The following PARD3B variants were observed in gnomAD, a reference collection of about 807,000 sequenced individuals.
PARD3B encodes the protein par-3 family cell polarity regulator beta, also known as partitioning defective 3 homolog B.
PARD3B carries 103 observed loss-of-function variants against 130.2 expected under a neutral mutation model. The observed-to-expected ratio is 0.79, with a 90% CI of 0.67 to 0.93. The LOEUF (loss-of-function observed/expected upper bound fraction) is 0.93. Ranked by LOEUF, PARD3B falls within the 40% of genes least tolerant of loss-of-function variation. The probability of loss-of-function intolerance (pLI) is 0.00; values close to 1 mark genes in which losing one functional copy is unlikely to be tolerated. For synonymous variants in PARD3B, 583 were observed against 553.2 expected (o/e 1.05, Z -0.76); for missense variants, 1,609 against 1,499.2 (o/e 1.07, Z -1.21).
intron 19 of PARD3B, among the ~76,000 whole-genome samples, chr2:205,427,075 C>A (rs1333696219): frequency 6.6e-6 from 1 of 152,180 alleles, no homozygotes; most frequent in Non-Finnish European, 1.5e-5. Context: ...AATATGACTT[C>A]TCACCTATGG....
chr2:205,123,765 T>C (rs1468367428), intron 8 of PARD3B, among the ~76,000 whole-genome samples: 2 of 151,278 alleles, frequency 1.3e-5, no homozygotes, highest in Non-Finnish European at 2.9e-5. Flanking sequence ...AAGATGGAAG[T>C]AAGGATCCTT....
chr2:204,862,197 C>T (rs1432168283), intron 2 of PARD3B, among the ~76,000 whole-genome samples: 1 of 152,164 alleles, frequency 6.6e-6, no homozygotes, highest in Non-Finnish European at 1.5e-5. Context: ...TCCTTGTCCT[C>T]ATTTTGGCAA....
intron 21 of PARD3B, among the ~76,000 whole-genome samples, chr2:205,534,402 G>A (rs1305649141): frequency 2.0e-5 from 3 of 152,088 alleles, no homozygotes; most frequent in Admixed American, 2.0e-4. Flanking sequence ...GAGTGAGTGA[G>A]AAGGAGAATG....
At position 204,820,689 on chromosome 2, in the gene PARD3B, C is replaced by G. The variant is rs570384435; in HGVS notation, c.222+134407C>G. Among the ~76,000 whole-genome samples, 670 of 152,044 alleles carry G rather than the reference C, an allele frequency of 4.4e-3. 12 individuals carry two copies. Among genetic ancestry groups the G allele is most frequent in the Non-Finnish European group, 5.0e-3 (340 of 67,982 alleles). On this transcript the variant is annotated intron_variant, in intron 2 of 22. Transcript: ENST00000406610. ...AATTAGCCAGATGTGGTGGTGGGTG[C>G]CTATAATCCAAGCTACTTGGGAGGC...
chr2:204,566,406 C>T (rs942970403), intron 1 of PARD3B, among the ~76,000 whole-genome samples: 1 of 152,158 alleles, frequency 6.6e-6, no homozygotes, highest in Non-Finnish European at 1.5e-5. Context: ...TCAGCAATGT[C>T]AGTGGTACAA....
intron 2 of PARD3B, among the ~76,000 whole-genome samples, chr2:204,819,329 C>T (rs1283033399): frequency 2.6e-5 from 4 of 152,136 alleles, no homozygotes; most frequent in African/African-American, 7.2e-5. Flanking sequence ...ATATTTGTTA[C>T]GGTGATCTGT....
chr2:205,571,876 T>C (rs1463448782), intron 22 of PARD3B, among the ~76,000 whole-genome samples: 3 of 152,190 alleles, frequency 2.0e-5, no homozygotes, highest in South Asian at 2.1e-4. Flanking sequence ...TAGTGCACTT[T>C]ATGCATAGGA....
intron 2 of PARD3B, among the ~76,000 whole-genome samples, chr2:204,829,083 C>T (rs2043704108): frequency 6.6e-6 from 1 of 152,172 alleles, no homozygotes; most frequent in Non-Finnish European, 1.5e-5. Flanking sequence ...TGGTAACCAC[C>T]TGTAAGACAA....
At chr2:204,831,317 A>G (rs552006123) in intron 2 of PARD3B, among the ~76,000 whole-genome samples, 2 of 152,362 alleles carry the variant, frequency 1.3e-5, no homozygotes, top group East Asian at 3.9e-4. Context: ...TTGGAAAAGA[A>G]GTACAATTTC....
At chr2:205,216,155 AC>A (rs1320792266) in intron 15 of PARD3B, among the ~76,000 whole-genome samples, 1 of 152,154 alleles carries the variant, frequency 6.6e-6, no homozygotes. Flanking sequence ...ACAGATACTT[AC>A]CATTAGGTTG....
intron 1 of PARD3B, among the ~76,000 whole-genome samples, chr2:204,578,804 A>C (rs1007101018): frequency 6.6e-6 from 1 of 152,060 alleles, no homozygotes; most frequent in African/African-American, 2.4e-5. Flanking sequence ...ATCTTGAACT[A>C]TGCACTCTAC....
At chr2:204,725,658 T>G (rs916197630) in intron 2 of PARD3B, among the ~76,000 whole-genome samples, 1 of 152,216 alleles carries the variant, frequency 6.6e-6, no homozygotes, top group Admixed American at 6.5e-5. Context: ...TAAGGTTTTA[T>G]GCATGAGTGA....
intron 21 of PARD3B, among the ~76,000 whole-genome samples, chr2:205,526,379 A>G (rs1197530499): frequency 6.6e-6 from 1 of 152,206 alleles, no homozygotes; most frequent in Non-Finnish European, 1.5e-5. Context: ...TGATTCCAGT[A>G]TTGCCAGGTA....
chr2:205,305,334 T>G (rs1268023199), intron 18 of PARD3B, among the ~76,000 whole-genome samples: 1 of 152,192 alleles, frequency 6.6e-6, no homozygotes, highest in Non-Finnish European at 1.5e-5. Flanking sequence ...TCTGGTCTGT[T>G]GTGGCCTAGT....
intron 20 of PARD3B, among the ~76,000 whole-genome samples, chr2:205,498,089 A>G (rs1277678132): frequency 6.6e-6 from 1 of 150,776 alleles, no homozygotes; most frequent in African/African-American, 2.4e-5. Flanking sequence ...AATCTCAGCT[A>G]TTTTGGATGC....
At chr2:204,619,289 G>A (rs2034214987) in intron 1 of PARD3B, among the ~76,000 whole-genome samples, 1 of 152,214 alleles carries the variant, frequency 6.6e-6, no homozygotes, top group African/African-American at 2.4e-5. Context: ...CTCTCTGAAA[G>A]CTGAGGGATG....
At chr2:204,948,569 C>T (rs1404327946) in intron 2 of PARD3B, among the ~76,000 whole-genome samples, 2 of 152,156 alleles carry the variant, frequency 1.3e-5, no homozygotes, top group Non-Finnish European at 2.9e-5. Flanking sequence ...TTCCCCAGCA[C>T]ACAGAGACCG....
At chr2:204,982,346 C>A (rs1184604696) in intron 3 of PARD3B, among the ~76,000 whole-genome samples, 1 of 152,038 alleles carries the variant, frequency 6.6e-6, no homozygotes, top group African/African-American at 2.4e-5. Flanking sequence ...AGCTACTCAC[C>A]CTGTTTTCTC....
Position 205,383,129 on chromosome 2 carries a change from T to TAGAG in PARD3B, c.2631-17881_2631-17880insGAGA, listed in dbSNP as rs1559038970. Among the ~76,000 whole-genome samples the TAGAG allele has an allele frequency of 3.0e-3, 420 of 137,932 alleles. 4 individuals are homozygous for TAGAG. The highest frequency in any genetic ancestry group is 0.03 in the Middle Eastern group (8 of 268). 90.5% of individuals were successfully genotyped at this position (137,932 alleles called of 152,430 possible). Reference sequence around the variant, plus strand: ...ATAGATAGATAGATAGATAGATAGATAGATAGATAGATCGATCTAAACTAT... The same window carrying TAGAG: ...ATAGATAGATAGATAGATAGATAGATAGAGAGATAGATAGATCGATCTAAACTAT... On this transcript the variant is annotated intron_variant, in intron 18 of 22. Coordinates refer to ENST00000406610, the MANE Select transcript of PARD3B (RefSeq NM_001302769.2).
Sources: gnomAD v4.1 joint callset for allele counts (sites outside exome capture counted in the v4.1 genomes callset) on GRCh38, gnomAD v4.1.1 for gene constraint, MANE v1.5 for transcripts, NCBI Gene and HGNC (gene_info 2026-07-23, HGNC 2026-07-21) for gene names.